Variants in DOCK2 observed in about 807,000 individuals in gnomAD.
The protein encoded by DOCK2 is dedicator of cytokinesis 2.
DOCK2 carries 87 observed loss-of-function variants against 248.9 expected under a neutral mutation model. The observed-to-expected ratio is 0.35, with a 90% CI of 0.29 to 0.42. The LOEUF is 0.42. Among genes scored for constraint, DOCK2 ranks in the 10% least tolerant of loss-of-function variants. The pLI is 1.00. For synonymous variants in DOCK2, 805 were observed against 821.6 expected (o/e 0.98, Z 0.35); for missense variants, 1,747 against 2,300.2 (o/e 0.76, Z 4.92).
chr5:169,649,152 G>A (rs1475836834), intron 1 of DOCK2, among the ~76,000 whole-genome samples: 1 of 152,222 alleles, frequency 6.6e-6, no homozygotes, highest in Admixed American at 6.5e-5. Context: ...TCTCCAAAGT[G>A]AGCTTCGGGC....
intron 6 of DOCK2, among the ~76,000 whole-genome samples, chr5:169,676,185 CG>C (rs1222710867): frequency 6.6e-6 from 1 of 152,130 alleles, no homozygotes; most frequent in Non-Finnish European, 1.5e-5. Context: ...CGCCTTGGCC[CG>C]GGGTAGGTGC....
Position 169,803,192 on chromosome 5 carries a change from A to C in DOCK2, c.2689A>C (p.Ser897Arg). 1 of 1,613,484 alleles carries C rather than the reference A, an allele frequency of 6.2e-7. No homozygotes were observed. The highest frequency in any genetic ancestry group is 8.5e-7 in the Non-Finnish European group (1 of 1,179,720). The part of the protein sequence containing the change: ...ELLNSILEVL[S>R]YQDAAFTYHH... ...GCTCAACAGCATCTTGGAAGTCCTT[A>C]GCTACCAGGATGCGGTGAGTCCTCC... Residue 897 changes from serine to arginine, a missense_variant, in exon 26 of 52, where the codon AGC becomes CGC. Coordinates refer to ENST00000520908, the MANE Select transcript of DOCK2 (RefSeq NM_004946.3).
chr5:169,732,738 A>G (rs1762847902), intron 22 of DOCK2, among the ~76,000 whole-genome samples: 1 of 151,760 alleles, frequency 6.6e-6, no homozygotes, highest in South Asian at 2.1e-4. Flanking sequence ...CCATGTTCTC[A>G]CCCTCTCACA....
At chr5:169,718,515 G>T in intron 21 of DOCK2, 142 bp from the exon 22 acceptor site, 1 of 814,766 alleles carries the variant, frequency 1.2e-6, no homozygotes, top group Non-Finnish European at 1.8e-6. Context: ...TTTATGCAGA[G>T]TTATCTTTAT....
chr5:169,785,726 T>C (rs1034605119), intron 25 of DOCK2, among the ~76,000 whole-genome samples: 2 of 152,224 alleles, frequency 1.3e-5, no homozygotes, highest in Non-Finnish European at 2.9e-5. Context: ...AGACCCATTA[T>C]GGTTTGGCTA....
chr5:170,073,102 C>T (rs1235346048), intron 46 of DOCK2, among the ~76,000 whole-genome samples: 1 of 152,130 alleles, frequency 6.6e-6, no homozygotes, highest in Non-Finnish European at 1.5e-5. Context: ...TGAAGATATT[C>T]TCCTATGTTT....
Position 169,798,656 on chromosome 5 carries a change from A to G in DOCK2, c.2555-4402A>G, listed in dbSNP as rs929288331. On this transcript the variant is annotated intron_variant, in intron 25 of 51. Transcript: ENST00000520908. ...AAGGTACTAAGTGTTTTTCCTGTCT[A>G]CTCAAGTCTGCTTCTTATCTCTGTT... Among the ~76,000 whole-genome samples, 279 of 152,196 alleles carry G rather than the reference A, an allele frequency of 1.8e-3. 1 individual carries two copies. Among genetic ancestry groups the G allele is most frequent in the African/African-American group, 6.3e-3 (262 of 41,528 alleles).
intron 27 of DOCK2, among the ~76,000 whole-genome samples, chr5:169,963,941 T>C (rs1283135553): frequency 6.6e-6 from 1 of 152,056 alleles, no homozygotes; most frequent in Non-Finnish European, 1.5e-5. Context: ...ATGCTGCTGC[T>C]GCAGCTCCAG....
chr5:170,077,633 G>A (rs1443016838), intron 47 of DOCK2, 77 bp from the exon 48 acceptor site: 1 of 1,585,402 alleles, frequency 6.3e-7, no homozygotes, highest in Admixed American at 1.7e-5. Context: ...TGCCTAGGTG[G>A]AGGAAGAAGG....
intron 33 of DOCK2, among the ~76,000 whole-genome samples, chr5:170,020,779 G>A (rs544296936): frequency 2.0e-5 from 3 of 152,348 alleles, no homozygotes; most frequent in African/African-American, 7.2e-5. Flanking sequence ...ATCTGCTAGA[G>A]CAGTGCTTTC....
intron 29 of DOCK2, among the ~76,000 whole-genome samples, chr5:169,989,190 T>C (rs2113791441): frequency 1.3e-5 from 2 of 152,344 alleles, no homozygotes; most frequent in Middle Eastern, 6.8e-3. Flanking sequence ...ACTGTTTGCG[T>C]ATGCAGACAT....
chr5:169,892,009 A>G (rs977712050), intron 27 of DOCK2, among the ~76,000 whole-genome samples: 2 of 151,786 alleles, frequency 1.3e-5, no homozygotes, highest in Admixed American at 6.6e-5. Context: ...AAAAAAAAAA[A>G]AAAGAAAAAG....
chr5:169,767,468 T>G (rs1764857673), intron 25 of DOCK2, among the ~76,000 whole-genome samples: 1 of 152,214 alleles, frequency 6.6e-6, no homozygotes, highest in Non-Finnish European at 1.5e-5. Flanking sequence ...TCGGGTTCCA[T>G]GTCAGAAAAA....
At chr5:169,960,988 C>A (rs1283843405) in intron 27 of DOCK2, among the ~76,000 whole-genome samples, 1 of 152,144 alleles carries the variant, frequency 6.6e-6, no homozygotes, top group Non-Finnish European at 1.5e-5. Context: ...GGTTCACTAT[C>A]CATGGAGTCT....
chr5:169,762,363 A>G (rs1200473200), intron 25 of DOCK2, among the ~76,000 whole-genome samples: 2 of 152,130 alleles, frequency 1.3e-5, no homozygotes, highest in African/African-American at 4.8e-5. Flanking sequence ...ACTTAATGGT[A>G]TATATTTTTG....
In DOCK2 at chr5:169,684,356, TG is replaced by T; in HGVS notation, c.761+7del. 1 of 1,614,032 alleles carries T rather than the reference TG, an allele frequency of 6.2e-7. No individual in the cohort carries two copies. Among genetic ancestry groups the T allele is most frequent in the Non-Finnish European group, 8.5e-7 (1 of 1,179,920 alleles). ...AACAAGCAAACGGTCATAAGGTAGG[TG>T]TGTCCAGGGTTGCCCTACTTCTCTG... On this transcript the variant is annotated splice_region_variant and intron_variant, in intron 8 of 51. Transcript: ENST00000520908.
At chr5:169,897,600 A>G (rs1316905738) in intron 27 of DOCK2, among the ~76,000 whole-genome samples, 1 of 152,222 alleles carries the variant, frequency 6.6e-6, no homozygotes. Flanking sequence ...TAATATTTCC[A>G]GAGACAGAAC....
intron 27 of DOCK2, among the ~76,000 whole-genome samples, chr5:169,860,299 A>G (rs1484135395): frequency 3.3e-5 from 5 of 152,020 alleles, no homozygotes; most frequent in Non-Finnish European, 4.4e-5. Flanking sequence ...CCTGTTTCTG[A>G]AAACCACTGC....
intron 23 of DOCK2, among the ~76,000 whole-genome samples, chr5:169,758,778 A>G (rs1307354468): frequency 6.6e-6 from 1 of 152,252 alleles, no homozygotes; most frequent in African/African-American, 2.4e-5. Context: ...AAATTCTTAG[A>G]GAATAATCAT....
Sources: allele counts gnomAD v4.1 joint callset (sites outside exome capture counted in the v4.1 genomes callset), GRCh38; gene constraint gnomAD v4.1.1; transcripts MANE v1.5; gene names NCBI Gene and HGNC (gene_info 2026-07-23, HGNC 2026-07-21).